The following SGMS1 variants were observed in gnomAD, a reference collection of about 807,000 sequenced individuals.
The protein encoded by SGMS1 is sphingomyelin synthase 1.
SGMS1 carries 13 observed loss-of-function variants against 46.2 expected under a neutral mutation model. The observed-to-expected ratio is 0.28, with a 90% confidence interval of 0.18 to 0.45. SGMS1 has a LOEUF of 0.45. SGMS1 is among the 20% of genes least tolerant of loss of function. The probability of loss-of-function intolerance (pLI) is 1.00; values close to 1 mark genes in which losing one functional copy is unlikely to be tolerated. For missense variants in SGMS1, 324 were observed against 519.9 expected, an observed-to-expected ratio of 0.62 and a Z score of 3.66; for synonymous variants, 203 against 187.8, an observed-to-expected ratio of 1.08 and a Z score of -0.66.
At chr10:50,345,211 T>C (rs1847897505) in intron 6 of SGMS1, among the ~76,000 whole-genome samples, 1 of 151,926 alleles carries the variant, frequency 6.6e-6, no homozygotes, top group Admixed American at 6.6e-5. Context: ...GCTGCTTGGG[T>C]TGAAGCCCAT....
chr10:50,499,100 A>G (rs1293257838), intron 3 of SGMS1, among the ~76,000 whole-genome samples: 1 of 152,224 alleles, frequency 6.6e-6, no homozygotes, highest in Non-Finnish European at 1.5e-5. Context: ...ATATTAGAAA[A>G]CCTGATTTTC....
chr10:50,383,289 T>C (rs940259780), intron 6 of SGMS1, among the ~76,000 whole-genome samples: 11 of 152,168 alleles, frequency 7.2e-5, no homozygotes, highest in African/African-American at 2.7e-4. Context: ...AGCCGAAAGA[T>C]CCGTTTCTTC....
intron 2 of SGMS1, among the ~76,000 whole-genome samples, chr10:50,581,680 G>A (rs1161462898): frequency 6.6e-6 from 1 of 152,038 alleles, no homozygotes; most frequent in African/African-American, 2.4e-5. Context: ...GCAAACTTAG[G>A]GTCATTTTTC....
intron 3 of SGMS1, among the ~76,000 whole-genome samples, chr10:50,473,708 C>T (rs1837397296): frequency 6.6e-6 from 1 of 152,216 alleles, no homozygotes; most frequent in African/African-American, 2.4e-5. Context: ...TTGTAGTAGA[C>T]ATATTTCAGG....
At chr10:50,429,912 T>C (rs1336448865) in intron 6 of SGMS1, among the ~76,000 whole-genome samples, 2 of 152,146 alleles carry the variant, frequency 1.3e-5, no homozygotes, top group Non-Finnish European at 2.9e-5. Flanking sequence ...TCATTTAAAG[T>C]ATAACATAGA....
At chr10:50,408,708 T>C (rs565105789) in intron 6 of SGMS1, among the ~76,000 whole-genome samples, 1 of 151,184 alleles carries the variant, frequency 6.6e-6, no homozygotes, top group South Asian at 2.1e-4. Flanking sequence ...GGCATGGTGG[T>C]GCATGCCTGT....
At chr10:50,401,548 A>G (rs576905075) in intron 6 of SGMS1, among the ~76,000 whole-genome samples, 76 of 152,282 alleles carry the variant, frequency 5.0e-4, no homozygotes, top group Non-Finnish European at 1.0e-3. Context: ...TTTGATTCTC[A>G]GGTGGTTCAC....
chr10:50,308,900 T>C (rs1011622586), intron 9 of SGMS1, among the ~76,000 whole-genome samples: 5 of 152,200 alleles, frequency 3.3e-5, no homozygotes, highest in Admixed American at 1.3e-4. Flanking sequence ...GTTCAGACTT[T>C]TATTGGATTC....
At chr10:50,328,958 C>T (rs753127340) in intron 7 of SGMS1, among the ~76,000 whole-genome samples, 3 of 152,176 alleles carry the variant, frequency 2.0e-5, no homozygotes, top group Non-Finnish European at 2.9e-5. Context: ...AAATGCCCTC[C>T]TTAGCCATCC....
At chr10:50,541,360 T>C (rs1039301166) in intron 2 of SGMS1, among the ~76,000 whole-genome samples, 2 of 152,222 alleles carry the variant, frequency 1.3e-5, no homozygotes, top group Admixed American at 6.5e-5. Flanking sequence ...AAACTCCTAT[T>C]GAAAATGTTT....
intron 3 of SGMS1, among the ~76,000 whole-genome samples, chr10:50,478,646 A>T (rs939214081): frequency 1.2e-4 from 18 of 152,236 alleles, no homozygotes; most frequent in African/African-American, 3.6e-4. Flanking sequence ...AAGTAACCTG[A>T]TGCATAAAAA....
At chr10:50,543,390 T>C (rs992017831) in intron 2 of SGMS1, among the ~76,000 whole-genome samples, 3 of 152,232 alleles carry the variant, frequency 2.0e-5, no homozygotes, top group Non-Finnish European at 4.4e-5. Context: ...TGAGTAGATA[T>C]ACACATTACA....
intron 1 of SGMS1, among the ~76,000 whole-genome samples, chr10:50,616,613 G>A (rs1323688591): frequency 6.6e-6 from 1 of 152,158 alleles, no homozygotes; most frequent in Non-Finnish European, 1.5e-5. Context: ...AGGAACCAGG[G>A]CCTACCAGGG....
chr10:50,523,888 A>C (rs1837876676), intron 2 of SGMS1, among the ~76,000 whole-genome samples: 1 of 152,266 alleles, frequency 6.6e-6, no homozygotes, highest in Admixed American at 6.5e-5. Flanking sequence ...ATTTGTGCTC[A>C]AGGCACACGT....
intron 1 of SGMS1, among the ~76,000 whole-genome samples, chr10:50,613,082 C>T (rs1695589398): frequency 6.6e-6 from 1 of 152,222 alleles, no homozygotes; most frequent in African/African-American, 2.4e-5. Flanking sequence ...CTAGGCTTGT[C>T]TCTGCTGTCA....
intron 2 of SGMS1, among the ~76,000 whole-genome samples, chr10:50,539,504 G>T (rs1459326268): frequency 1.3e-5 from 2 of 152,226 alleles, no homozygotes; most frequent in Non-Finnish European, 2.9e-5. Flanking sequence ...TAATGACACA[G>T]TATACACTAA....
chr10:50,370,447 T>C (rs927786159), intron 6 of SGMS1, among the ~76,000 whole-genome samples: 4 of 151,124 alleles, frequency 2.6e-5, no homozygotes, highest in African/African-American at 9.7e-5. Context: ...TTTTTTTTTT[T>C]AAACAAAGAC....
intron 6 of SGMS1, among the ~76,000 whole-genome samples, chr10:50,369,323 C>T (rs562934341): frequency 3.9e-5 from 6 of 152,216 alleles, no homozygotes; most frequent in Non-Finnish European, 7.4e-5. Flanking sequence ...CATGGCAAGA[C>T]CCTGTCTCTA....
intron 1 of SGMS1, among the ~76,000 whole-genome samples, chr10:50,617,250 T>C (rs1838807095): frequency 6.6e-6 from 1 of 152,260 alleles, no homozygotes; most frequent in Non-Finnish European, 1.5e-5. Flanking sequence ...AATTTTATGT[T>C]ATGTGTATTT....
Sources: allele counts gnomAD v4.1 joint callset (sites outside exome capture counted in the v4.1 genomes callset), GRCh38; gene constraint gnomAD v4.1.1; transcripts MANE v1.5; gene names NCBI Gene and HGNC (gene_info 2026-07-23, HGNC 2026-07-21).